Variants in MYO5A observed in about 807,000 individuals in gnomAD.
The protein encoded by MYO5A is myosin VA.
MYO5A carries 98 observed loss-of-function variants against 249.7 expected under a neutral mutation model. The observed-to-expected ratio is 0.39, with a 90% confidence interval of 0.33 to 0.46. The LOEUF (loss-of-function observed/expected upper bound fraction) is 0.46, where lower values mean the gene tolerates loss of function less well. MYO5A is among the 20% of genes least tolerant of loss of function. The probability of loss-of-function intolerance (pLI) is 0.98; values close to 1 mark genes in which losing one functional copy is unlikely to be tolerated. For missense variants in MYO5A, 1,696 were observed against 2,308.8 expected (o/e 0.73, Z 5.44); for synonymous variants, 778 against 810.6 (o/e 0.96, Z 0.68).
rs1160921348 is a variant in MYO5A at position 52,425,826 on chromosome 15, C to G, written c.455+4G>C. 5.6e-6 allele frequency: 9 copies of G among 1,613,768 alleles called. No homozygotes were observed. Among genetic ancestry groups the G allele is most frequent in the Non-Finnish European group, 7.6e-6 (9 of 1,179,912 alleles). ...ATAAAATAACAATGAAAGCTTCTAC[C>G]AACCTGGCCATTTGCTTGTAAGCTT... is the stretch of plus-strand genomic sequence containing the variant. On this transcript the variant is annotated splice_donor_region_variant and intron_variant, in intron 4 of 41. Transcript: ENST00000399233.
At chr15:52,472,872 T>G (rs550047261) in intron 1 of MYO5A, among the ~76,000 whole-genome samples, 2 of 152,372 alleles carry the variant, frequency 1.3e-5, no homozygotes, top group Non-Finnish European at 2.9e-5. Context: ...TGTGTCTTTA[T>G]AGCAGCATGA....
intron 1 of MYO5A, among the ~76,000 whole-genome samples, chr15:52,511,022 CAA>C (rs1255726947): frequency 3.9e-5 from 6 of 152,228 alleles, no homozygotes; most frequent in African/African-American, 9.7e-5. Flanking sequence ...GCCCCAGCTC[CAA>C]AAGACAAATT....
chr15:52,500,888 A>C (rs988534370), intron 1 of MYO5A, among the ~76,000 whole-genome samples: 1 of 152,142 alleles, frequency 6.6e-6, no homozygotes, highest in Non-Finnish European at 1.5e-5. Context: ...AGGCATCTCA[A>C]TTCTAAAAGC....
At chr15:52,525,884 G>C (rs540777214) in intron 1 of MYO5A, among the ~76,000 whole-genome samples, 1 of 152,282 alleles carries the variant, frequency 6.6e-6, no homozygotes, top group East Asian at 1.9e-4. Flanking sequence ...TGCCCCTATA[G>C]ATTCAAAGTG....
chr15:52,383,256 G>A (rs1484208479), intron 15 of MYO5A, 68 bp from the exon 16 acceptor site: 8 of 1,290,298 alleles, frequency 6.2e-6, no homozygotes, highest in Non-Finnish European at 9.0e-6. Flanking sequence ...TAAAACAATG[G>A]GAAATTCCCT....
chr15:52,466,125 C>G (rs2076347446), intron 1 of MYO5A, among the ~76,000 whole-genome samples: 1 of 152,144 alleles, frequency 6.6e-6, no homozygotes, highest in South Asian at 2.1e-4. Context: ...GAGGAAGTAT[C>G]CCAGGCATTC....
chr15:52,416,074 A>ATCAATCAAT, intron 5 of MYO5A, 71 bp downstream of exon 5: 1 of 1,549,548 alleles, frequency 6.5e-7, no homozygotes, highest in East Asian at 2.2e-5. Flanking sequence ...GACATGCTGT[A>ATCAATCAAT]TCAATCAATT....
chr15:52,481,297 C>A (rs1170971507), intron 1 of MYO5A, among the ~76,000 whole-genome samples: 7 of 152,174 alleles, frequency 4.6e-5, no homozygotes, highest in Admixed American at 2.0e-4. Context: ...TTAATGCAAA[C>A]AAAGATTGCC....
At position 52,448,957 on chromosome 15, in the gene MYO5A, C is replaced by CTT. The variant is rs145765339; in HGVS notation, c.28-15674_28-15673dup. On this transcript the variant is annotated intron_variant, in intron 1 of 41. Transcript: ENST00000399233. ...TTTTTTTTTTTCTTTTCTTGTCTTT[C>CTT]TTTTTTTTTTTTTTTTTTTTTTTTT... Among the ~76,000 whole-genome samples, 214 of 55,590 alleles carry CTT rather than the reference C, an allele frequency of 3.8e-3. 41 individuals carry two copies. The highest frequency in any genetic ancestry group is 0.014 in the African/African-American group (170 of 11,790). 36.5% of individuals were successfully genotyped at this position (55,590 alleles called of 152,430 possible). A position where few individuals can be genotyped will look rare whatever the true frequency, so the allele number is the denominator to read the frequency against.
At chr15:52,524,136 T>C (rs2077682667) in intron 1 of MYO5A, among the ~76,000 whole-genome samples, 1 of 152,258 alleles carries the variant, frequency 6.6e-6, no homozygotes. Flanking sequence ...TGTGGAATTT[T>C]AGATTGTCTT....
intron 4 of MYO5A, among the ~76,000 whole-genome samples, chr15:52,418,053 A>T (rs1392860944): frequency 1.3e-5 from 2 of 152,206 alleles, no homozygotes; most frequent in East Asian, 3.8e-4. Context: ...AGTAAGAGAA[A>T]GCAAGCAAGG....
chr15:52,386,134 T>C (rs1166314289), intron 14 of MYO5A, among the ~76,000 whole-genome samples: 2 of 152,032 alleles, frequency 1.3e-5, no homozygotes, highest in East Asian at 3.9e-4. Flanking sequence ...CTGGACAACA[T>C]GGTGAAACCC....
At chr15:52,336,668 G>T in intron 33 of MYO5A, 112 bp from the exon 34 acceptor site, 2 of 833,334 alleles carry the variant, frequency 2.4e-6, no homozygotes, top group Non-Finnish European at 3.8e-6. Flanking sequence ...TTACATAAGA[G>T]CTCATTGGTG....
At chr15:52,418,898 A>G (rs1395864436) in intron 4 of MYO5A, among the ~76,000 whole-genome samples, 1 of 152,044 alleles carries the variant, frequency 6.6e-6, no homozygotes, top group Non-Finnish European at 1.5e-5. Context: ...TATTTTATAG[A>G]TTTTCCTTTC....
intron 1 of MYO5A, among the ~76,000 whole-genome samples, chr15:52,453,885 C>T (rs2076068607): frequency 6.6e-6 from 1 of 151,688 alleles, no homozygotes; most frequent in Admixed American, 6.6e-5. Context: ...AAATAAAATG[C>T]AACAAATTAA....
Position 52,308,139 on chromosome 15 carries a change from A to C in MYO5A, c.*5557T>G, listed in dbSNP as rs138772021. On this transcript the variant is annotated 3_prime_UTR_variant, in exon 42 of 42. Coordinates refer to ENST00000399233, the MANE Select transcript of MYO5A (RefSeq NM_001382347.1). Reference sequence around the variant, plus strand: ...CAACATTTTTTCTTTCAAATATTTCAAGCATTACAATACTGAGGAAACGTT... The same window carrying C: ...CAACATTTTTTCTTTCAAATATTTCCAGCATTACAATACTGAGGAAACGTT... 5.3e-4 allele frequency: 80 copies of C among 152,342 alleles called. No individual in the cohort carries two copies. Among genetic ancestry groups the C allele is most frequent in the Non-Finnish European group, 9.7e-4 (66 of 68,022 alleles). The allele number at this position is 152,342 out of a possible 1,614,324, so 9.4% of individuals were successfully genotyped here.
intron 1 of MYO5A, among the ~76,000 whole-genome samples, chr15:52,488,847 CT>C (rs750870027): frequency 4.6e-5 from 7 of 152,146 alleles, no homozygotes; most frequent in Non-Finnish European, 8.8e-5. Flanking sequence ...ATAAATGACA[CT>C]TAATAACAAA....
intron 1 of MYO5A, among the ~76,000 whole-genome samples, chr15:52,480,493 C>A (rs1157055077): frequency 6.6e-6 from 1 of 152,218 alleles, no homozygotes; most frequent in Non-Finnish European, 1.5e-5. Flanking sequence ...CTGGCTCAGA[C>A]CAGAGCCCAC....
intron 27 of MYO5A, 58 bp from the exon 28 acceptor site, chr15:52,351,539 C>T (rs1430740255): frequency 1.4e-6 from 2 of 1,477,664 alleles, no homozygotes; most frequent in East Asian, 2.3e-5. Flanking sequence ...ACGTTGGATG[C>T]TCAAACTTCT....
Sources: allele counts gnomAD v4.1 joint callset (sites outside exome capture counted in the v4.1 genomes callset), GRCh38; gene constraint gnomAD v4.1.1; transcripts MANE v1.5; gene names NCBI Gene and HGNC (gene_info 2026-07-23, HGNC 2026-07-21).